PPL: variants seen among roughly 807,000 people sequenced by gnomAD.
PPL encodes the protein periplakin, also known as 190 kDa paraneoplastic pemphigus antigen.
A neutral mutation model predicts 194.4 loss-of-function variants in PPL; 198 were observed. The observed-to-expected ratio is 1.02, with a 90% confidence interval of 0.91 to 1.15. The LOEUF is 1.15. PPL is among the 50% of genes most tolerant of loss of function. The probability of loss-of-function intolerance (pLI) is 0.00; values close to 1 mark genes in which losing one functional copy is unlikely to be tolerated. For synonymous variants in PPL, 1,220 were observed against 972.4 expected (o/e 1.25, Z -4.74); for missense variants, 2,885 against 2,294.8 (o/e 1.26, Z -5.25).
At chr16:4,906,494 G>C (rs918889145) in intron 2 of PPL, among the ~76,000 whole-genome samples, 1 of 152,086 alleles carries the variant, frequency 6.6e-6, no homozygotes, top group East Asian at 1.9e-4. Flanking sequence ...CAAAGTTCTG[G>C]GATTACAGGC....
intron 1 of PPL, among the ~76,000 whole-genome samples, chr16:4,930,151 C>T (rs975837427): frequency 1.3e-5 from 2 of 152,200 alleles, no homozygotes; most frequent in Non-Finnish European, 2.9e-5. Context: ...ATACACACAT[C>T]CCCGTCACCT....
intron 1 of PPL, among the ~76,000 whole-genome samples, chr16:4,922,210 C>T (rs1227247597): frequency 5.3e-5 from 8 of 152,118 alleles, no homozygotes; most frequent in African/African-American, 1.9e-4. Flanking sequence ...CTCAGTTTCC[C>T]CAGCTGTAAA....
chr16:4,933,465 C>A (rs1288525137), intron 1 of PPL, among the ~76,000 whole-genome samples: 1 of 152,168 alleles, frequency 6.6e-6, no homozygotes, highest in East Asian at 1.9e-4. Flanking sequence ...AGAATTGAGC[C>A]TGACTGCAGA....
At chr16:4,919,641 T>C (rs544303204) in intron 1 of PPL, among the ~76,000 whole-genome samples, 1 of 152,186 alleles carries the variant, frequency 6.6e-6, no homozygotes, top group African/African-American at 2.4e-5. Flanking sequence ...GTTATGTTCA[T>C]GTATGGGCCC....
Position 4,920,333 on chromosome 16 carries a change from A to AAGAAAGAG in PPL, c.63-9385_63-9384insCTCTTTCT, listed in dbSNP as rs71386503. 4.0e-3 allele frequency among the ~76,000 whole-genome samples: 297 copies of AAGAAAGAG among 73,678 alleles called. 1 individual carries two copies. The highest frequency in any genetic ancestry group is 6.2e-3 in the Non-Finnish European group (164 of 26,370). 48.3% of individuals were successfully genotyped at this position (73,678 alleles called of 152,430 possible). The stretch of plus-strand genomic sequence containing the variant: ...AAGAAGGAAAGAAAAGAAAGAAAGA[A>AAGAAAGAG]AGAGAGAGAGAGAGAAAGAAAGAAA... On this transcript the variant is annotated intron_variant, in intron 1 of 21. Transcript: ENST00000345988.
At chr16:4,901,202 C>A (rs2088562267) in intron 4 of PPL, 113 bp from the exon 5 acceptor site, 4 of 1,184,114 alleles carry the variant, frequency 3.4e-6, no homozygotes. Flanking sequence ...TTTCACGGGG[C>A]CCTGCAGAGC....
Position 4,886,002 on chromosome 16 carries a change from G to T in PPL, c.2653C>A (p.Pro885Thr), listed in dbSNP as rs752908859. 2 of 1,613,890 alleles carry T rather than the reference G, an allele frequency of 1.2e-6. No individual in the cohort carries two copies. The highest frequency in any genetic ancestry group is 4.5e-5 in the East Asian group (2 of 44,872). The change falls in exon 22 of 22, where the codon CCG (proline) becomes ACG (threonine). Residue 885 changes from proline (P) to threonine (T), a missense_variant. Coordinates refer to ENST00000345988, the MANE Select transcript of PPL (RefSeq NM_002705.5). ...VTHETLQRNR[P>T]DSGVEEAWKI... The stretch of plus-strand genomic sequence containing the variant: ...CACGCCTCCTCCACTCCAGAGTCCG[G>T]CCTATTCCTTTGCAGGGTCTCATGG...
Position 4,901,184 on chromosome 16 carries a change from G to A in PPL, c.439-95C>T, listed in dbSNP as rs915511430. The A allele has an allele frequency of 1.7e-5, 24 of 1,397,968 alleles. 1 individual carries two copies. Among genetic ancestry groups the A allele is most frequent in the South Asian group, 2.7e-5 (2 of 73,752 alleles). The allele number at this position is 1,397,968 out of a possible 1,614,324, so 86.6% of individuals were successfully genotyped here. On this transcript the variant is annotated intron_variant, in intron 4 of 21. Coordinates refer to ENST00000345988, the MANE Select transcript of PPL (RefSeq NM_002705.5). ...GAGCCTCGGGGGTGGGCATGATGGT[G>A]CTCTCTTTTTCACGGGGCCCTGCAG...
At chr16:4,930,354 G>A (rs2089211544) in intron 1 of PPL, among the ~76,000 whole-genome samples, 1 of 152,186 alleles carries the variant, frequency 6.6e-6, no homozygotes, top group Admixed American at 6.5e-5. Context: ...TGACTGGATG[G>A]GGACAGGGCA....
rs2088133685 is a variant in PPL, at chr16:4,883,233, A to AT, written c.*150dup. 9.9e-7 allele frequency: 1 copy of AT among 1,009,460 alleles called. No individual in the cohort carries two copies. Among genetic ancestry groups the AT allele is most frequent in the Non-Finnish European group, 1.5e-6 (1 of 686,290 alleles). 62.5% of individuals were successfully genotyped at this position (1,009,460 alleles called of 1,614,324 possible). On this transcript the variant is annotated 3_prime_UTR_variant, in exon 22 of 22. Coordinates refer to ENST00000345988, the MANE Select transcript of PPL (RefSeq NM_002705.5). The surrounding 1 kb of genome is among the most constrained non-coding windows in gnomAD (Gnocchi z 4.8). Reference sequence around the variant, plus strand: ...TGTCTTCAGCCAGTGCCTGTCTCATATGTGGGCGGGACTCTGAGCAGCCTG... The same window carrying AT: ...TGTCTTCAGCCAGTGCCTGTCTCATATTGTGGGCGGGACTCTGAGCAGCCTG...
At chr16:4,900,754 C>T in intron 6 of PPL, 76 bp downstream of exon 6, 3 of 1,592,448 alleles carry the variant, frequency 1.9e-6, no homozygotes, top group African/African-American at 1.3e-5. Flanking sequence ...TAAAACAATA[C>T]ATCCTTGTCC....
chr16:4,894,113 G>A (rs2088373015), intron 12 of PPL, among the ~76,000 whole-genome samples: 1 of 152,192 alleles, frequency 6.6e-6, no homozygotes, highest in Non-Finnish European at 1.5e-5. Context: ...GTGGAAGAAG[G>A]TGCCTGGGAG....
intron 1 of PPL, among the ~76,000 whole-genome samples, chr16:4,924,506 C>A (rs912853813): frequency 6.6e-6 from 1 of 152,142 alleles, no homozygotes; most frequent in South Asian, 2.1e-4. Flanking sequence ...CAGTCTCACT[C>A]GGTGCCTGGT....
intron 2 of PPL, among the ~76,000 whole-genome samples, chr16:4,906,086 C>A (rs1477187127): frequency 6.6e-6 from 1 of 152,078 alleles, no homozygotes; most frequent in African/African-American, 2.4e-5. Context: ...CCAGCCTTGG[C>A]GACAGAGCGA....
At chr16:4,892,734 C>A in intron 14 of PPL, 1 of 164,356 alleles carries the variant, frequency 6.1e-6, no homozygotes, top group South Asian at 1.9e-4. Context: ...CCTCAGAGGG[C>A]TGCCTTGAGG....
At chr16:4,924,182 A>C (rs913266115) in intron 1 of PPL, among the ~76,000 whole-genome samples, 2 of 152,224 alleles carry the variant, frequency 1.3e-5, no homozygotes, top group Non-Finnish European at 2.9e-5. Flanking sequence ...AGCCACGTGA[A>C]AAGAGTAAGA....
At chr16:4,917,153 C>A (rs914875900) in intron 1 of PPL, among the ~76,000 whole-genome samples, 1 of 151,712 alleles carries the variant, frequency 6.6e-6, no homozygotes, top group Non-Finnish European at 1.5e-5. Flanking sequence ...AACAAAAAAA[C>A]AAAAACAAAA....
rs143676756 is a variant in PPL, at chr16:4,884,285, C to T, written c.4370G>A (p.Arg1457Gln). 8.1e-4 allele frequency: 1,309 copies of T among 1,612,868 alleles called. 2 individuals carry two copies. Among genetic ancestry groups the T allele is most frequent in the Non-Finnish European group, 9.7e-4 (1,147 of 1,179,686 alleles). Residue 1457 changes from arginine (R) to glutamine (Q), a missense_variant, in exon 22 of 22, where the codon CGA (arginine) becomes CAA (glutamine). Transcript: ENST00000345988. This position sits in a 1 kb window ranked among gnomAD's most constrained non-coding sequence, Gnocchi z 5.7. ...VVLQQDPQQA[R>Q]EHALLRLQLE... ...CTGGAGTCGGAGCAGGGCATGCTCT[C>T]GCGCCTGCTGCGGGTCCTGCTGCAG...
At chr16:4,895,535 C>T in intron 10 of PPL, 59 bp downstream of exon 10, 1 of 1,611,332 alleles carries the variant, frequency 6.2e-7, no homozygotes, top group Non-Finnish European at 8.5e-7. Flanking sequence ...TGAGGGCAGG[C>T]ATGGTGTAGA....
Sources: allele counts gnomAD v4.1 joint callset (sites outside exome capture counted in the v4.1 genomes callset), GRCh38; gene constraint gnomAD v4.1.1; non-coding constraint Gnocchi (gnomAD v3.1); transcripts MANE v1.5; gene names NCBI Gene and HGNC (gene_info 2026-07-23, HGNC 2026-07-21).